Variants in F5 observed in about 807,000 individuals in gnomAD.
The protein encoded by F5 is activated protein c cofactor.
A neutral mutation model predicts 216.4 loss-of-function variants in F5; 138 were observed. The ratio of observed to expected loss-of-function variants is 0.64; its 90% CI spans 0.56 to 0.73. The LOEUF (loss-of-function observed/expected upper bound fraction) is 0.73, where lower values mean the gene tolerates loss of function less well. Ranked by LOEUF, F5 falls within the 30% of genes least tolerant of loss-of-function variation. The probability of loss-of-function intolerance (pLI) is 0.00; values close to 1 mark genes in which losing one functional copy is unlikely to be tolerated. For synonymous variants in F5, 916 were observed against 930.7 expected, an observed-to-expected ratio of 0.98 and a Z score of 0.29; for missense variants, 2,403 against 2,674.0, an observed-to-expected ratio of 0.90 and a Z score of 2.24.
chr1:169,537,262 T>C (rs1431820713), intron 13 of F5, among the ~76,000 whole-genome samples: 2 of 152,200 alleles, frequency 1.3e-5, no homozygotes, highest in African/African-American at 2.4e-5. Context: ...AATGGGACAG[T>C]GCCAGAGCTT....
Position 169,544,476 on chromosome 1 carries a change from T to C in F5, c.1795A>G (p.Thr599Ala). Residue 599 changes from threonine to alanine, a missense_variant, in exon 12 of 25, where the codon ACT (threonine) becomes GCT (alanine). By Grantham distance (58) the Thr-to-Ala change is moderately conservative. Around this residue, in one of 4 missense-constraint regions of F5, gnomAD observed 1,425 missense variants for 1,554.8 expected, o/e 0.92. Transcript: ENST00000367797. The stretch of plus-strand genomic sequence containing the variant: ...GTGTCATCAAAGCAGAATCCAAGAG[T>C]AGTTATGCTCTCAGGCACATAGCCA... ...INGYVPESIT[T>A]LGFCFDDTVQ... The C allele has an allele frequency of 6.2e-7, 1 of 1,613,802 alleles. No homozygotes were observed. The highest frequency in any genetic ancestry group is 8.5e-7 in the Non-Finnish European group (1 of 1,179,910).
chr1:169,571,388 A>G (rs1187676115), intron 3 of F5, among the ~76,000 whole-genome samples: 1 of 152,174 alleles, frequency 6.6e-6, no homozygotes, highest in African/African-American at 2.4e-5. Context: ...ATGGGTGGTT[A>G]TAATCATTTC....
chr1:169,546,632 C>A (rs537583432), intron 10 of F5, 40 bp from the exon 11 acceptor site: 2 of 1,574,338 alleles, frequency 1.3e-6, no homozygotes, highest in Admixed American at 1.7e-5. Flanking sequence ...CAAGAACAGA[C>A]GCATAGACCA....
chr1:169,585,020 C>T (rs1661071905), intron 1 of F5, among the ~76,000 whole-genome samples: 1 of 152,152 alleles, frequency 6.6e-6, no homozygotes, highest in African/African-American at 2.4e-5. Flanking sequence ...ACCCAGCATG[C>T]TACAAGAAAG....
rs535613548 is a variant in F5, at chr1:169,555,655, T to G, written c.953-308A>C. On this transcript the variant is annotated intron_variant, in intron 6 of 24. Coordinates refer to ENST00000367797, the MANE Select transcript of F5 (RefSeq NM_000130.5). The stretch of plus-strand genomic sequence containing the variant: ...TCTTAAGACCTTATGAATTAAGTCT[T>G]GTTAAATTCTCATTTTTCTGTCATC... Among the ~76,000 whole-genome samples, 35 of 150,190 alleles carry G rather than the reference T, an allele frequency of 2.3e-4. 2 individuals are homozygous for G. The highest frequency in any genetic ancestry group is 8.4e-4 in the African/African-American group (34 of 40,366).
At chr1:169,529,915 G>C in intron 15 of F5, 97 bp from the exon 16 acceptor site, 1 of 964,276 alleles carries the variant, frequency 1.0e-6, no homozygotes, top group Admixed American at 1.8e-5. Context: ...TTTCTGATAG[G>C]CTCTGAATTT....
In F5 at chr1:169,513,955, A is replaced by C. The variant is rs537106464; in HGVS notation, c.*358T>G. Among the ~76,000 whole-genome samples, 2 of 152,296 alleles carry C rather than the reference A, an allele frequency of 1.3e-5. No individual in the cohort carries two copies. Among genetic ancestry groups the C allele is most frequent in the Non-Finnish European group, 2.9e-5 (2 of 68,004 alleles). On this transcript the variant is annotated 3_prime_UTR_variant, in exon 25 of 25. Coordinates refer to ENST00000367797, the MANE Select transcript of F5 (RefSeq NM_000130.5). ...AGGTCTATCAATTATTATTTAAAGT[A>C]ATATCTGTTTTACTAGTGTGTAAAG... is the stretch of plus-strand genomic sequence containing the variant.
intron 12 of F5, 49 bp downstream of exon 12, chr1:169,544,247 C>A (rs1480635886): frequency 1.3e-6 from 2 of 1,547,932 alleles, no homozygotes; most frequent in Non-Finnish European, 1.8e-6. Context: ...CTTTATAGAC[C>A]AGAAATTCAA....
chr1:169,562,363 T>C (rs533129575), intron 3 of F5, among the ~76,000 whole-genome samples: 1 of 152,208 alleles, frequency 6.6e-6, no homozygotes, highest in South Asian at 2.1e-4. Context: ...TATCTTTGTC[T>C]CTCTCATTAA....
intron 10 of F5, among the ~76,000 whole-genome samples, chr1:169,548,072 A>G (rs906612338): frequency 1.3e-5 from 2 of 152,172 alleles, no homozygotes; most frequent in African/African-American, 4.8e-5. Context: ...CCATTATTCT[A>G]AGCAAGTTAA....
rs976144729 is a variant in F5 at position 169,546,609 on chromosome 1, T to C, written c.1612-17A>G. The C allele has an allele frequency of 2.5e-6, 4 of 1,612,314 alleles. No homozygotes were observed. Among genetic ancestry groups the C allele is most frequent in the Non-Finnish European group, 3.4e-6 (4 of 1,178,598 alleles). ...TGCTGCCCTCTGGAGGACAAAACAG[T>C]ATAGTACTGGTACAAGAACAGACGC... is the stretch of plus-strand genomic sequence containing the variant. On this transcript the variant is annotated splice_polypyrimidine_tract_variant and intron_variant, in intron 10 of 24. Coordinates refer to ENST00000367797, the MANE Select transcript of F5 (RefSeq NM_000130.5).
chr1:169,529,238 T>C (rs1659534090), intron 16 of F5, among the ~76,000 whole-genome samples: 1 of 152,226 alleles, frequency 6.6e-6, no homozygotes, highest in Admixed American at 6.5e-5. Flanking sequence ...TCATTTCTTT[T>C]ATATAAACAC....
chr1:169,568,003 T>G (rs1341465857), intron 3 of F5, among the ~76,000 whole-genome samples: 3 of 152,174 alleles, frequency 2.0e-5, no homozygotes, highest in Admixed American at 2.0e-4. Flanking sequence ...AACCTATCTG[T>G]AAACAATCAA....
At chr1:169,537,704 A>G (rs1039861307) in intron 13 of F5, among the ~76,000 whole-genome samples, 1 of 152,158 alleles carries the variant, frequency 6.6e-6, no homozygotes, top group Non-Finnish European at 1.5e-5. Context: ...AAGACATACA[A>G]ATGACCAACA....
rs1346510728 is a variant in F5, at chr1:169,586,300, T to C, written c.87A>G (p.Ala29=). The C allele has an allele frequency of 3.1e-6, 5 of 1,614,062 alleles. No homozygotes were observed. The African/African-American group carries it at 5.3e-5, about 17-fold the overall frequency. The change falls in exon 1 of 25, where the codon GCA becomes GCG. Residue 29 remains alanine, a synonymous_variant. Coordinates refer to ENST00000367797, the MANE Select transcript of F5 (RefSeq NM_000130.5). The stretch of plus-strand genomic sequence containing the variant: ...CAGCCACGTAGAACTGCCTTAGCTG[T>C]GCCGCTTCTGTCCCTTGGCTCCCCC... ...VGWGSQGTEA[A]QLRQFYVAAQ...
In F5 at chr1:169,523,237, T is replaced by C. The variant is rs764216548; in HGVS notation, c.6008A>G (p.Asn2003Ser). ...GCTGTTCCCTTTGAAGATCTGCCAG[T>C]TGATCTGGTTGGAACTGTAAGCTAC... The part of the protein sequence containing the change: ...FYVAYSSNQI[N>S]WQIFKGNSTR... The change falls in exon 21 of 25, where the codon AAC becomes AGC. Residue 2003 changes from asparagine (N) to serine (S), a missense_variant. Physicochemically the swap from Asn to Ser is conservative, Grantham distance 46 (BLOSUM62 1). Coordinates refer to ENST00000367797, the MANE Select transcript of F5 (RefSeq NM_000130.5). 4.3e-6 allele frequency: 7 copies of C among 1,614,026 alleles called. No homozygotes were observed. Among genetic ancestry groups the C allele is most frequent in the South Asian group, 1.1e-5 (1 of 91,088 alleles).
intron 18 of F5, 118 bp downstream of exon 18, chr1:169,525,783 A>G (rs560188978): frequency 1.2e-6 from 1 of 803,794 alleles, no homozygotes; most frequent in Admixed American, 1.7e-5. Context: ...ATGGCTACAA[A>G]TTATGCCTTT....
At chr1:169,533,515 C>T (rs1659636239) in intron 14 of F5, among the ~76,000 whole-genome samples, 1 of 152,096 alleles carries the variant, frequency 6.6e-6, no homozygotes, top group South Asian at 2.1e-4. Flanking sequence ...GGTCTAATAT[C>T]CAGAAACTAT....
chr1:169,518,496 A>G lies in F5; in HGVS notation c.6261T>C (p.Phe2087=). 6.2e-7 allele frequency: 1 copy of G among 1,613,912 alleles called. No individual in the cohort carries two copies. The highest frequency in any genetic ancestry group is 8.5e-7 in the Non-Finnish European group (1 of 1,179,876). Residue 2087 remains phenylalanine (F), a synonymous_variant, in exon 23 of 25, where the codon TTT becomes TTC. Coordinates refer to ENST00000367797, the MANE Select transcript of F5 (RefSeq NM_000130.5). ...AGTAATCTCCCCACCAAGATTTCTT[A>G]AACGAAGAAGCTGTGATTTGCTTGT... ...IENKQITASS[F]KKSWWGDYWE...
Sources: gnomAD v4.1 joint callset for allele counts (sites outside exome capture counted in the v4.1 genomes callset) on GRCh38, gnomAD v4.1.1 for gene constraint, gnomAD v4.1.1 regional missense constraint, MANE v1.5 for transcripts, NCBI Gene and HGNC (gene_info 2026-07-23, HGNC 2026-07-21) for gene names.